The following ABLIM1 variants were observed in gnomAD, a reference collection of about 807,000 sequenced individuals.
ABLIM1 encodes the protein actin binding LIM protein 1, also known as actin-binding LIM protein 1.
A neutral mutation model predicts 107.0 loss-of-function variants in ABLIM1; 40 were observed. That is an observed-to-expected ratio of 0.37 (90% CI 0.29 to 0.49). The LOEUF (loss-of-function observed/expected upper bound fraction) is 0.49, where lower values mean the gene tolerates loss of function less well. Among genes scored for constraint, ABLIM1 ranks in the 20% least tolerant of loss-of-function variants. ABLIM1 has a pLI of 0.97. For missense variants in ABLIM1, 857 were observed against 1,008.5 expected, an observed-to-expected ratio of 0.85 and a Z score of 2.04; for synonymous variants, 357 against 357.3, an observed-to-expected ratio of 1.00 and a Z score of 0.01.
chr10:114,757,650 G>T (rs1422744287), intron 1 of ABLIM1, among the ~76,000 whole-genome samples: 2 of 152,076 alleles, frequency 1.3e-5, no homozygotes, highest in Non-Finnish European at 2.9e-5. Flanking sequence ...CCTCCCATTT[G>T]GTCCAAGCCA....
chr10:114,666,046 T>C (rs1197710051), intron 1 of ABLIM1, among the ~76,000 whole-genome samples: 1 of 152,218 alleles, frequency 6.6e-6, no homozygotes, highest in Non-Finnish European at 1.5e-5. Flanking sequence ...TCCCATAGCG[T>C]GGGCAAATCA....
At chr10:114,693,826 CT>C (rs5788078) in intron 1 of ABLIM1, among the ~76,000 whole-genome samples, 66,284 of 133,884 alleles carry the variant, frequency 0.5, 15,354 homozygotes, top group South Asian at 0.58. Context: ...TTTAAAAAAA[CT>C]TTTTTTTTTT....
upstream of ABLIM1, among the ~76,000 whole-genome samples, chr10:114,772,602 G>C (rs1279612416): frequency 1.3e-5 from 2 of 152,058 alleles, no homozygotes; most frequent in African/African-American, 4.8e-5. Flanking sequence ...GTGAGACCCT[G>C]TCTCAAAAAA....
At chr10:114,492,650 G>A (rs746088723) in intron 6 of ABLIM1, among the ~76,000 whole-genome samples, 9 of 152,168 alleles carry the variant, frequency 5.9e-5, no homozygotes, top group South Asian at 2.1e-4. Flanking sequence ...AAATCCTTTC[G>A]TTCACAGCCT....
chr10:114,762,757 C>G (rs980745774), intron 1 of ABLIM1, among the ~76,000 whole-genome samples: 3 of 152,050 alleles, frequency 2.0e-5, no homozygotes, highest in African/African-American at 7.3e-5. Context: ...AAACTAGGGT[C>G]ATTTATGACA....
intron 1 of ABLIM1, among the ~76,000 whole-genome samples, chr10:114,651,643 T>G (rs1295043830): frequency 6.6e-6 from 1 of 151,822 alleles, no homozygotes; most frequent in East Asian, 1.9e-4. Context: ...ACTAATGGAA[T>G]GAGAAGCCTA....
At chr10:114,684,413 C>T in exon 1 of ABLIM1, 1 of 1,610,264 alleles carries the variant, frequency 6.2e-7, no homozygotes, top group Non-Finnish European at 8.5e-7. Context: ...AGAAAGGCTG[C>T]AACACTCCTC....
At chr10:114,718,437 T>C (rs1324846210) in intron 1 of ABLIM1, among the ~76,000 whole-genome samples, 1 of 152,206 alleles carries the variant, frequency 6.6e-6, no homozygotes, top group East Asian at 1.9e-4. Flanking sequence ...AAGAATCATA[T>C]GTGGTTCCAT....
intron 1 of ABLIM1, among the ~76,000 whole-genome samples, chr10:114,712,353 GAAAAAAAAAAAAAA>G (rs10583793): frequency 9.1e-5 from 4 of 44,086 alleles, no homozygotes; most frequent in African/African-American, 3.6e-4. Flanking sequence ...ACTCCGTCTC[GAAAAAAAAAAAAAA>G]AAAAAAAAAA....
intron 1 of ABLIM1, among the ~76,000 whole-genome samples, chr10:114,606,482 C>T (rs2076420704): frequency 6.6e-6 from 1 of 152,152 alleles, no homozygotes; most frequent in Non-Finnish European, 1.5e-5. Flanking sequence ...GATCCGCCCG[C>T]CGTGGCCTCC....
chr10:114,738,793 A>G (rs1032054389), intron 1 of ABLIM1, among the ~76,000 whole-genome samples: 6 of 151,178 alleles, frequency 4.0e-5, no homozygotes, highest in Admixed American at 2.0e-4. Flanking sequence ...AAAAAAAAAA[A>G]GTAGGGAGTG....
chr10:114,758,826 A>G (rs1402428916), intron 1 of ABLIM1, among the ~76,000 whole-genome samples: 1 of 152,206 alleles, frequency 6.6e-6, no homozygotes, highest in Non-Finnish European at 1.5e-5. Context: ...CTATTTAAAA[A>G]TTGACCCTAA....
chr10:114,710,794 A>G (rs1180724915), intron 1 of ABLIM1, among the ~76,000 whole-genome samples: 1 of 152,196 alleles, frequency 6.6e-6, no homozygotes, highest in Admixed American at 6.5e-5. Flanking sequence ...AATAAATAAA[A>G]ATAAAATAAA....
At chr10:114,521,755 T>C (rs997056994) in intron 6 of ABLIM1, among the ~76,000 whole-genome samples, 3 of 152,126 alleles carry the variant, frequency 2.0e-5, no homozygotes, top group African/African-American at 7.2e-5. Flanking sequence ...ACCAACCTTC[T>C]ATCAGATGAT....
At chr10:114,538,479 T>C (rs969701808) in intron 6 of ABLIM1, among the ~76,000 whole-genome samples, 2 of 152,198 alleles carry the variant, frequency 1.3e-5, no homozygotes, top group African/African-American at 2.4e-5. Flanking sequence ...CTCTTTCTTA[T>C]GTGGTGGGTG....
intron 6 of ABLIM1, among the ~76,000 whole-genome samples, chr10:114,498,048 A>C (rs1565626302): frequency 6.6e-6 from 1 of 152,204 alleles, no homozygotes; most frequent in Non-Finnish European, 1.5e-5. Flanking sequence ...AGAGCAGAAA[A>C]GAGTTCCGAA....
At chr10:114,762,315 G>A (rs1188175145) in intron 1 of ABLIM1, among the ~76,000 whole-genome samples, 2 of 152,172 alleles carry the variant, frequency 1.3e-5, no homozygotes, top group Non-Finnish European at 2.9e-5. Context: ...TTACAGGCGT[G>A]AGCCACTGTG....
intron 6 of ABLIM1, chr10:114,501,898 G>T (rs1231721651): frequency 1.3e-5 from 2 of 152,060 alleles, no homozygotes; most frequent in Admixed American, 6.5e-5. Context: ...ACATTCTATG[G>T]GTTTAGACAA....
At chr10:114,717,361 G>T (rs2081693578) in intron 1 of ABLIM1, among the ~76,000 whole-genome samples, 1 of 152,132 alleles carries the variant, frequency 6.6e-6, no homozygotes, top group Non-Finnish European at 1.5e-5. Flanking sequence ...CTGAAATCAT[G>T]TAGGGAGAAC....
Sources: allele counts gnomAD v4.1 joint callset (sites outside exome capture counted in the v4.1 genomes callset), GRCh38; gene constraint gnomAD v4.1.1; transcripts MANE v1.5; gene names NCBI Gene and HGNC (gene_info 2026-07-23, HGNC 2026-07-21).